The following CYP2C19 variants were observed in gnomAD, a reference collection of about 807,000 sequenced individuals.
CYP2C19 encodes cytochrome P450 2C19.
In CYP2C19, 59 loss-of-function variants were observed where a neutral mutation model predicts 40.9. That is an observed-to-expected ratio of 1.44 (90% confidence interval 1.17 to 1.79). CYP2C19 has a LOEUF of 1.79. Among genes scored for constraint, CYP2C19 ranks in the 40% most tolerant of loss-of-function variants. CYP2C19 has a pLI of 0.00. For synonymous variants in CYP2C19, 253 were observed against 208.7 expected (o/e 1.21, Z -1.83); for missense variants, 754 against 596.9 (o/e 1.26, Z -2.74).
chr10:94,795,849 T>G lies in CYP2C19; in HGVS notation c.819+13852T>G, dbSNP rs528218818. ...ATCCTTCACCCACACTTTGATGGGG[T>G]TTTTTTTCTTGTAAATTTGTTTGAT... is the stretch of plus-strand genomic sequence containing the variant. On this transcript the variant is annotated intron_variant, in intron 5 of 8. Transcript: ENST00000371321. 3.8e-5 allele frequency among the ~76,000 whole-genome samples: 5 copies of G among 130,168 alleles called. No homozygotes were observed. In the South Asian group the frequency reaches 1.1e-3, roughly 28 times the overall value. 85.4% of individuals were successfully genotyped at this position (130,168 alleles called of 152,430 possible).
In CYP2C19 at chr10:94,771,688, G is replaced by A. The variant is rs190965799; in HGVS notation, c.169-3370G>A. 9.3e-4 allele frequency among the ~76,000 whole-genome samples: 141 copies of A among 152,198 alleles called. 1 individual carries two copies. The highest frequency in any genetic ancestry group is 5.4e-3 in the East Asian group (28 of 5,178). On this transcript the variant is annotated intron_variant, in intron 1 of 8. Transcript: ENST00000371321. Reference sequence around the variant, plus strand: ...AAAGACAAAACTCTCCATGGTTTTGGTTTGTTTGTTTCTACCTGCCCAGGA... The same window carrying A: ...AAAGACAAAACTCTCCATGGTTTTGATTTGTTTGTTTCTACCTGCCCAGGA...
intron 1 of CYP2C19, among the ~76,000 whole-genome samples, chr10:94,766,403 T>C (rs1191124430): frequency 1.3e-5 from 2 of 151,760 alleles, no homozygotes; most frequent in Non-Finnish European, 2.9e-5. Flanking sequence ...CCAGGCCGAG[T>C]AAAAGGTAGG....
intron 8 of CYP2C19, among the ~76,000 whole-genome samples, chr10:94,851,443 C>T (rs574263452): frequency 1.4e-5 from 2 of 143,086 alleles, no homozygotes; most frequent in African/African-American, 5.2e-5. Context: ...TACCAGCACA[C>T]AAATAAATAA....
intron 5 of CYP2C19, among the ~76,000 whole-genome samples, chr10:94,785,571 A>G (rs1029858535): frequency 4.6e-5 from 7 of 152,302 alleles, no homozygotes; most frequent in Admixed American, 4.6e-4. Context: ...ACTTTGTAGT[A>G]AGTTTTGAAG....
chr10:94,809,284 T>C (rs1848880264), intron 5 of CYP2C19, among the ~76,000 whole-genome samples: 1 of 152,174 alleles, frequency 6.6e-6, no homozygotes, highest in Non-Finnish European at 1.5e-5. Flanking sequence ...ACTAAATTAT[T>C]AGATTTGTTC....
rs1438992742 is a variant in CYP2C19 at position 94,775,122 on chromosome 10, A to T, written c.233A>T (p.His78Leu). ...GGCCTGGAACGCATGGTGGTGCTGC[A>T]TGGATATGAAGTGGTGAAGGAAGCC... Reference protein sequence around the residue: ...YFGLERMVVLHGYEVVKEALI... With the variant: ...YFGLERMVVLLGYEVVKEALI... The change falls in exon 2 of 9, where the codon CAT (histidine) becomes CTT (leucine). Residue 78 changes from histidine (H) to leucine (L), a missense_variant. His to Leu is a moderately conservative substitution (Grantham distance 99). Coordinates refer to ENST00000371321, the MANE Select transcript of CYP2C19 (RefSeq NM_000769.4). The T allele has an allele frequency of 6.2e-7, 1 of 1,613,980 alleles. No individual in the cohort carries two copies. Among genetic ancestry groups the T allele is most frequent in the East Asian group, 2.2e-5 (1 of 44,894 alleles).
intron 5 of CYP2C19, among the ~76,000 whole-genome samples, chr10:94,794,338 C>T (rs772616193): frequency 6.6e-6 from 1 of 152,152 alleles, no homozygotes; most frequent in Non-Finnish European, 1.5e-5. Context: ...CCTGCTTCAG[C>T]TCACACTCCA....
chr10:94,802,926 T>C (rs1047697531), intron 5 of CYP2C19, among the ~76,000 whole-genome samples: 7 of 152,236 alleles, frequency 4.6e-5, no homozygotes, highest in African/African-American at 1.7e-4. Flanking sequence ...CACTCTCTTC[T>C]CGCTTGTCAT....
At chr10:94,844,601 G>C (rs1287166178) in intron 7 of CYP2C19, among the ~76,000 whole-genome samples, 2 of 151,966 alleles carry the variant, frequency 1.3e-5, no homozygotes. Flanking sequence ...ATTTTCAAGG[G>C]GAAAAATCAA....
intron 4 of CYP2C19, among the ~76,000 whole-genome samples, 194 bp downstream of exon 4, chr10:94,780,853 A>T: frequency 6.6e-6 from 1 of 152,156 alleles, no homozygotes; most frequent in East Asian, 1.9e-4. Context: ...ATCCCAATAT[A>T]GATCAGGCTT....
intron 5 of CYP2C19, among the ~76,000 whole-genome samples, chr10:94,805,252 T>C (rs1370700692): frequency 6.6e-6 from 1 of 152,174 alleles, no homozygotes; most frequent in Non-Finnish European, 1.5e-5. Context: ...TTTATGAGTA[T>C]TTTTGTTATG....
chr10:94,783,399 G>C (rs1848503016), intron 5 of CYP2C19, among the ~76,000 whole-genome samples: 1 of 152,062 alleles, frequency 6.6e-6, no homozygotes, highest in Non-Finnish European at 1.5e-5. Context: ...GTGTGTGATG[G>C]AAAAGAGTAG....
At chr10:94,829,973 CA>C (rs1849300975) in intron 6 of CYP2C19, among the ~76,000 whole-genome samples, 1 of 152,232 alleles carries the variant, frequency 6.6e-6, no homozygotes, top group East Asian at 1.9e-4. Flanking sequence ...GCTCAGGGGT[CA>C]GGGGTCAGGG....
intron 6 of CYP2C19, among the ~76,000 whole-genome samples, chr10:94,833,066 A>T (rs919908740): frequency 6.6e-6 from 1 of 152,044 alleles, no homozygotes; most frequent in African/African-American, 2.4e-5. Flanking sequence ...CTCATTGTTC[A>T]CTGTTGGCAT....
At chr10:94,842,456 T>A (rs1202681426) in intron 6 of CYP2C19, among the ~76,000 whole-genome samples, 2 of 151,196 alleles carry the variant, frequency 1.3e-5, no homozygotes, top group Non-Finnish European at 2.9e-5. Context: ...CTAGTCAGTT[T>A]GTCTTTTGAT....
intron 6 of CYP2C19, among the ~76,000 whole-genome samples, chr10:94,821,482 G>C (rs1356616909): frequency 6.6e-6 from 1 of 152,164 alleles, no homozygotes; most frequent in Non-Finnish European, 1.5e-5. Context: ...AGATTCATGA[G>C]AAAGTTGATT....
At chr10:94,778,712 C>T (rs1198756519) in intron 3 of CYP2C19, among the ~76,000 whole-genome samples, 3 of 152,110 alleles carry the variant, frequency 2.0e-5, no homozygotes, top group African/African-American at 7.2e-5. Flanking sequence ...TGTGGCGATT[C>T]CTCAATGCTA....
At chr10:94,827,765 A>G (rs1458818820) in intron 6 of CYP2C19, among the ~76,000 whole-genome samples, 2 of 151,950 alleles carry the variant, frequency 1.3e-5, no homozygotes, top group African/African-American at 4.8e-5. Context: ...TAGGGTGTCT[A>G]TTTTGGATCT....
intron 5 of CYP2C19, among the ~76,000 whole-genome samples, chr10:94,789,321 T>G (rs1848579319): frequency 1.3e-5 from 2 of 152,136 alleles, no homozygotes; most frequent in Non-Finnish European, 2.9e-5. Context: ...GATAGTTTCT[T>G]TTGCTCTGGA....
Sources: allele counts gnomAD v4.1 joint callset (sites outside exome capture counted in the v4.1 genomes callset), GRCh38; gene constraint gnomAD v4.1.1; transcripts MANE v1.5; gene names NCBI Gene and HGNC (gene_info 2026-07-23, HGNC 2026-07-21).